MEF2B: variants seen among roughly 807,000 people sequenced by gnomAD.
The protein encoded by MEF2B is myocyte enhancer factor 2B.
In MEF2B, 15 loss-of-function variants were observed where a neutral mutation model predicts 32.2. The observed-to-expected ratio is 0.47, with a 90% confidence interval of 0.31 to 0.72. The LOEUF (loss-of-function observed/expected upper bound fraction) is 0.72. Among genes scored for constraint, MEF2B ranks in the 30% least tolerant of loss-of-function variants. MEF2B has a pLI of 0.05. For missense variants in MEF2B, 441 were observed against 511.5 expected, an observed-to-expected ratio of 0.86 and a Z score of 1.33; for synonymous variants, 205 against 225.6, an observed-to-expected ratio of 0.91 and a Z score of 0.82.
rs1481384985 is a variant in MEF2B at position 19,147,852 on chromosome 19, CAG to C, written c.259-22_259-21del. The C allele has an allele frequency of 6.2e-7, 1 of 1,609,840 alleles. No individual in the cohort carries two copies. Among genetic ancestry groups the C allele is most frequent in the East Asian group, 2.2e-5 (1 of 44,872 alleles). On this transcript the variant is annotated intron_variant, in intron 3 of 8. Transcript: ENST00000424583. Reference sequence around the variant, plus strand: ...CAGCGTCTATGGGGACAGGAGACAACAGGGTAGACCCTTACCCCTACCCCACC... The same window carrying C: ...CAGCGTCTATGGGGACAGGAGACAACGGTAGACCCTTACCCCTACCCCACC...
At chr19:19,155,302 T>C (rs1390883765) in intron 1 of MEF2B, among the ~76,000 whole-genome samples, 4 of 152,170 alleles carry the variant, frequency 2.6e-5, no homozygotes, top group African/African-American at 9.7e-5. Flanking sequence ...AGCCAACTCC[T>C]ATCCAAACGT....
chr19:19,155,676 C>A (rs753481306), intron 1 of MEF2B, among the ~76,000 whole-genome samples: 1 of 152,316 alleles, frequency 6.6e-6, no homozygotes, highest in African/African-American at 2.4e-5. Context: ...GCAAAGAATG[C>A]GGAGGCGGCA....
chr19:19,147,189 G>C lies in MEF2B; in HGVS notation c.394-6C>G, dbSNP rs2060034769. ...GGCATAGCAGGAGCTGCAGGCTGTG[G>C]GTAGAGAAGGGATGGGTCAGAGGAC... On this transcript the variant is annotated splice_region_variant and splice_polypyrimidine_tract_variant and intron_variant, in intron 4 of 8. Coordinates refer to ENST00000424583, the MANE Select transcript of MEF2B (RefSeq NM_001145785.2). 1.3e-6 allele frequency: 2 copies of C among 1,565,966 alleles called. No homozygotes were observed. Among genetic ancestry groups the C allele is most frequent in the South Asian group, 1.2e-5 (1 of 85,716 alleles).
chr19:19,164,733 G>A (rs934756259), intron 1 of MEF2B, among the ~76,000 whole-genome samples: 3 of 152,134 alleles, frequency 2.0e-5, no homozygotes, highest in African/African-American at 7.2e-5. Flanking sequence ...AGAATCACTT[G>A]AACCCAGGAG....
intron 1 of MEF2B, among the ~76,000 whole-genome samples, chr19:19,159,028 C>G (rs2060140171): frequency 6.6e-6 from 1 of 151,180 alleles, no homozygotes; most frequent in Non-Finnish European, 1.5e-5. Flanking sequence ...GCAACCTCCT[C>G]CTCCCCAGTT....
chr19:19,169,644 A>G (rs2060237021), intron 1 of MEF2B, among the ~76,000 whole-genome samples: 1 of 152,150 alleles, frequency 6.6e-6, no homozygotes, highest in African/African-American at 2.4e-5. Flanking sequence ...CCACCTTGTC[A>G]TGTGCTAACA....
chr19:19,168,515 C>T (rs1199532922), intron 1 of MEF2B, among the ~76,000 whole-genome samples: 5 of 151,660 alleles, frequency 3.3e-5, no homozygotes, highest in East Asian at 1.9e-4. Flanking sequence ...TCAGGTGATC[C>T]GCCCGCCTCA....
intron 1 of MEF2B, among the ~76,000 whole-genome samples, chr19:19,159,316 G>C (rs1231506659): frequency 6.6e-6 from 1 of 151,594 alleles, no homozygotes; most frequent in East Asian, 1.9e-4. Flanking sequence ...AGCTACTTGG[G>C]AGGCTGAGGC....
chr19:19,146,851 G>C lies in MEF2B; in HGVS notation c.566C>G (p.Pro189Arg). ...PPGLVHPLFS[P>R]SHLTSKTPPP... Reference sequence around the variant, plus strand: ...TGGTGTCTTGCTGGTGAGGTGGCTTGGTGAGAAGAGAGGGTGCACCAGGCC... The same window carrying C: ...TGGTGTCTTGCTGGTGAGGTGGCTTCGTGAGAAGAGAGGGTGCACCAGGCC... Residue 189 changes from proline to arginine, a missense_variant, in exon 6 of 9, where the codon CCA (proline) becomes CGA (arginine). Pro to Arg is a moderately radical substitution (Grantham distance 103). Coordinates refer to ENST00000424583, the MANE Select transcript of MEF2B (RefSeq NM_001145785.2). 1 of 1,613,292 alleles carries C rather than the reference G, an allele frequency of 6.2e-7. No homozygotes were observed. The highest frequency in any genetic ancestry group is 8.5e-7 in the Non-Finnish European group (1 of 1,179,830).
At chr19:19,146,497 C>T (rs1353014943) in intron 7 of MEF2B, 58 bp downstream of exon 7, 87 of 1,459,744 alleles carry the variant, frequency 6.0e-5, no homozygotes, top group Non-Finnish European at 7.5e-5. Flanking sequence ...TGTGGAACCC[C>T]CAGAGGGCAG....
rs1158237766 is a variant in MEF2B at position 19,145,647 on chromosome 19, A to G, written c.*150T>C. ...GAAGGAAAGGAGCCCCCCAGGGTGG[A>G]TTGAGTCCAGCCGCCCACCTCCAAG... On this transcript the variant is annotated 3_prime_UTR_variant, in exon 9 of 9. Transcript: ENST00000424583. This position sits in a 1 kb window ranked among gnomAD's most constrained non-coding sequence, Gnocchi z 4.6. The G allele has an allele frequency of 1.3e-6, 2 of 1,515,364 alleles. No homozygotes were observed. The allele number at this position is 1,515,364 out of a possible 1,614,324, so 93.9% of individuals were successfully genotyped here.
intron 2 of MEF2B, 57 bp from the exon 3 acceptor site, chr19:19,149,486 G>T: frequency 6.2e-7 from 1 of 1,605,644 alleles, no homozygotes; most frequent in Non-Finnish European, 8.5e-7. Flanking sequence ...AATGTGGGGT[G>T]GTGTAGGGGA....
intron 2 of MEF2B, 116 bp from the exon 3 acceptor site, chr19:19,149,545 G>T: frequency 7.3e-7 from 1 of 1,372,044 alleles, no homozygotes; most frequent in South Asian, 1.3e-5. Flanking sequence ...ATTCTTTCTG[G>T]CTGAGCTGGT....
At chr19:19,153,984 T>TG (rs1469582317) in intron 1 of MEF2B, among the ~76,000 whole-genome samples, 2 of 151,792 alleles carry the variant, frequency 1.3e-5, no homozygotes, top group Non-Finnish European at 2.9e-5. Flanking sequence ...AACTCCTGGC[T>TG]GGAAGTGATC....
At position 19,147,758 on chromosome 19, in the gene MEF2B, C is replaced by G. The variant is rs768517320; in HGVS notation, c.333G>C (p.Glu111Asp). ...EPDEGPEEPG[E>D]KFRRLAGEGG... ...CTTCGCCTGCCAGCCTCCGAAACTT[C>G]TCTCCTGGCTCCTCAGGCCCTTCAT... Residue 111 changes from glutamate to aspartate, a missense_variant, in exon 4 of 9, where the codon GAG (glutamate) becomes GAC (aspartate). Glu to Asp is a conservative substitution (Grantham distance 45). Transcript: ENST00000424583. The G allele has an allele frequency of 1.5e-5, 25 of 1,613,902 alleles. 1 individual carries two copies. In the Middle Eastern group the frequency reaches 6.6e-4, roughly 42 times the overall value.
intron 4 of MEF2B, 142 bp downstream of exon 4, chr19:19,147,556 C>A: frequency 1.3e-6 from 2 of 1,519,900 alleles, no homozygotes; most frequent in Non-Finnish European, 1.8e-6. Context: ...CTCAAAGAAG[C>A]CTTTCCTGAC....
At chr19:19,156,500 A>G (rs1189873619) in intron 1 of MEF2B, among the ~76,000 whole-genome samples, 2 of 152,188 alleles carry the variant, frequency 1.3e-5, no homozygotes, top group South Asian at 2.1e-4. Context: ...GTCTCTAAAA[A>G]AGAATAATAA....
chr19:19,154,421 C>T (rs2060106487), intron 1 of MEF2B, among the ~76,000 whole-genome samples: 1 of 152,174 alleles, frequency 6.6e-6, no homozygotes, highest in African/African-American at 2.4e-5. Context: ...CTTGGCCTCC[C>T]AAAGTGCTGG....
intron 7 of MEF2B, 56 bp downstream of exon 7, chr19:19,146,499 A>AGGGTGG: frequency 6.8e-7 from 1 of 1,460,968 alleles, no homozygotes; most frequent in South Asian, 1.4e-5. Flanking sequence ...TGGAACCCCC[A>AGGGTGG]GAGGGCAGGA....
Sources: allele counts gnomAD v4.1 joint callset (sites outside exome capture counted in the v4.1 genomes callset), GRCh38; gene constraint gnomAD v4.1.1; non-coding constraint Gnocchi (gnomAD v3.1); transcripts MANE v1.5; gene names NCBI Gene and HGNC (gene_info 2026-07-23, HGNC 2026-07-21).